The following RORA variants were observed in gnomAD, a reference collection of about 807,000 sequenced individuals.
The protein encoded by RORA is nuclear receptor ROR-alpha.
A neutral mutation model predicts 69.5 loss-of-function variants in RORA; 7 were observed. The ratio of observed to expected loss-of-function variants is 0.10; its 90% CI spans 0.06 to 0.19. The LOEUF (loss-of-function observed/expected upper bound fraction) is 0.19. Ranked by LOEUF, RORA falls within the 10% of genes least tolerant of loss-of-function variation. RORA has a pLI of 1.00. For missense variants in RORA, 457 were observed against 663.0 expected (o/e 0.69, Z 3.41); for synonymous variants, 261 against 240.8 (o/e 1.08, Z -0.78).
chr15:60,805,670 A>T (rs529217809), intron 1 of RORA, among the ~76,000 whole-genome samples: 51 of 152,346 alleles, frequency 3.3e-4, no homozygotes, highest in Admixed American at 5.9e-4. Flanking sequence ...ATAGGATTAC[A>T]TGGTAGGTCT....
chr15:60,775,498 C>T (rs1254753987), intron 1 of RORA, among the ~76,000 whole-genome samples: 2 of 152,286 alleles, frequency 1.3e-5, no homozygotes, highest in East Asian at 1.9e-4. Context: ...CTAGGCACTC[C>T]GCCAGGAGTA....
chr15:60,488,555 A>G lies in RORA; in HGVS notation c.*8900T>C, dbSNP rs1035464833. The stretch of plus-strand genomic sequence containing the variant: ...ATAAAATAAACAGCTGGAAATAAGC[A>G]GACTAGTGTAAGAGTGAATTGAAAA... On this transcript the variant is annotated 3_prime_UTR_variant, in exon 11 of 11. Transcript: ENST00000335670. 4 of 152,220 alleles carry G rather than the reference A, an allele frequency of 2.6e-5. No homozygotes were observed. The highest frequency in any genetic ancestry group is 9.6e-5 in the African/African-American group (4 of 41,460). The allele number at this position is 152,220 out of a possible 1,614,324, so 9.4% of individuals were successfully genotyped here. A position where few individuals can be genotyped will look rare whatever the true frequency, so the allele number is the denominator to read the frequency against.
chr15:60,831,774 A>C (rs779726518), intron 1 of RORA, among the ~76,000 whole-genome samples: 7 of 152,190 alleles, frequency 4.6e-5, no homozygotes, highest in Non-Finnish European at 8.8e-5. Flanking sequence ...TGTCTGGCCA[A>C]AATGGTATGT....
At chr15:60,771,832 C>T (rs1028435183) in intron 1 of RORA, among the ~76,000 whole-genome samples, 2 of 152,186 alleles carry the variant, frequency 1.3e-5, no homozygotes, top group African/African-American at 4.8e-5. Flanking sequence ...TCCTCCCCTA[C>T]CTCTCAGGAT....
At chr15:60,856,352 G>A (rs1191418111) in intron 1 of RORA, among the ~76,000 whole-genome samples, 1 of 152,144 alleles carries the variant, frequency 6.6e-6, no homozygotes. Context: ...TAATAACACT[G>A]AATAGAGTTC....
chr15:61,003,718 G>A (rs1595872229), intron 1 of RORA, among the ~76,000 whole-genome samples: 1 of 152,172 alleles, frequency 6.6e-6, no homozygotes, highest in South Asian at 2.1e-4. Context: ...AGCCATGGGT[G>A]GTGGGAAGAC....
rs1374791733 is a variant in RORA at position 61,229,095 on chromosome 15, G to A, written c.124C>T (p.Pro42Ser). 19 of 1,539,660 alleles carry A rather than the reference G, an allele frequency of 1.2e-5. No individual in the cohort carries two copies. The highest frequency in any genetic ancestry group is 2.4e-5 in the South Asian group (2 of 83,750). Reference protein sequence around the residue: ...NQESARKSEPPAPVRRQSYSS... With the variant: ...NQESARKSEPSAPVRRQSYSS... ...TAGCTCTGTCTGCGCACCGGGGCAG[G>A]CGGCTCGCTCTTGCGGGCGGATTCC... is the stretch of plus-strand genomic sequence containing the variant. The change falls in exon 1 of 11, where the codon CCT (proline) becomes TCT (serine). Residue 42 changes from proline to serine, a missense_variant. Physicochemically the swap from Pro to Ser is moderately conservative, Grantham distance 74. Coordinates refer to ENST00000335670, the MANE Select transcript of RORA (RefSeq NM_134261.3).
At chr15:60,696,882 T>C (rs563433840) in intron 1 of RORA, among the ~76,000 whole-genome samples, 5 of 152,338 alleles carry the variant, frequency 3.3e-5, no homozygotes, top group African/African-American at 1.2e-4. Context: ...AAAATGGATA[T>C]AGCCTTAGAG....
At chr15:60,747,499 T>C (rs1481637988) in intron 1 of RORA, among the ~76,000 whole-genome samples, 1 of 152,154 alleles carries the variant, frequency 6.6e-6, no homozygotes, top group East Asian at 1.9e-4. Flanking sequence ...GAAGAATACA[T>C]ACAAATATTT....
intron 1 of RORA, among the ~76,000 whole-genome samples, chr15:60,944,918 G>C (rs912376071): frequency 6.6e-6 from 1 of 152,152 alleles, no homozygotes; most frequent in African/African-American, 2.4e-5. Context: ...CATAGCACCA[G>C]GTGGAGCATG....
chr15:60,948,657 G>A (rs920213815), intron 1 of RORA, among the ~76,000 whole-genome samples: 2 of 152,194 alleles, frequency 1.3e-5, no homozygotes, highest in African/African-American at 4.8e-5. Context: ...GCTTAGACAA[G>A]TTATGTGACT....
At chr15:60,565,190 C>G (rs1016353927) in intron 2 of RORA, among the ~76,000 whole-genome samples, 3 of 152,184 alleles carry the variant, frequency 2.0e-5, no homozygotes. Flanking sequence ...CCCAAGAATT[C>G]TCCCATAAAG....
rs1256170975 is a variant in RORA at position 60,490,055 on chromosome 15, A to G, written c.*7400T>C. On this transcript the variant is annotated 3_prime_UTR_variant, in exon 11 of 11. Transcript: ENST00000335670. This position sits in a 1 kb window ranked among gnomAD's most constrained non-coding sequence, Gnocchi z 4.1. Reference sequence around the variant, plus strand: ...CTAAGGAAGTAATTTTATCCTAATTAAATACACTCTAGAATAATTTATATA... The same window carrying G: ...CTAAGGAAGTAATTTTATCCTAATTGAATACACTCTAGAATAATTTATATA... The G allele has an allele frequency of 1.3e-5, 2 of 151,996 alleles. No homozygotes were observed. The highest frequency in any genetic ancestry group is 2.9e-5 in the Non-Finnish European group (2 of 67,968). 9.4% of individuals were successfully genotyped at this position (151,996 alleles called of 1,614,324 possible). A position where few individuals can be genotyped will look rare whatever the true frequency, so the allele number is the denominator to read the frequency against.
intron 1 of RORA, among the ~76,000 whole-genome samples, chr15:60,944,877 C>T (rs1391960723): frequency 2.0e-5 from 3 of 152,138 alleles, no homozygotes; most frequent in Non-Finnish European, 4.4e-5. Flanking sequence ...GCATGCCCAA[C>T]GTGGTCTGAC....
At chr15:60,614,812 T>C (rs1457031162) in intron 2 of RORA, 2 of 1,056,568 alleles carry the variant, frequency 1.9e-6, no homozygotes, top group East Asian at 2.4e-5. Context: ...AATGAGATTA[T>C]ACACACGCAC....
At chr15:60,844,017 C>T (rs771932952) in intron 1 of RORA, among the ~76,000 whole-genome samples, 2 of 152,038 alleles carry the variant, frequency 1.3e-5, no homozygotes, top group Non-Finnish European at 2.9e-5. Flanking sequence ...GTTATTCTCT[C>T]CACCAGGAAT....
chr15:60,770,345 A>G (rs1182658840), intron 1 of RORA, among the ~76,000 whole-genome samples: 4 of 152,180 alleles, frequency 2.6e-5, no homozygotes, highest in African/African-American at 7.2e-5. Context: ...ACCAGCACAT[A>G]CAGGCAGGTG....
intron 1 of RORA, among the ~76,000 whole-genome samples, chr15:60,708,708 C>A (rs1470895284): frequency 1.3e-5 from 2 of 152,226 alleles, no homozygotes; most frequent in African/African-American, 4.8e-5. Flanking sequence ...TTCCCCCCAA[C>A]CCTGTTCCCA....
At chr15:61,122,549 T>A (rs1450384646) in intron 1 of RORA, among the ~76,000 whole-genome samples, 1 of 152,190 alleles carries the variant, frequency 6.6e-6, no homozygotes, top group African/African-American at 2.4e-5. Flanking sequence ...TATGGCTGTA[T>A]AACGTTTAAA....
Sources: allele counts gnomAD v4.1 joint callset (sites outside exome capture counted in the v4.1 genomes callset), GRCh38; gene constraint gnomAD v4.1.1; non-coding constraint Gnocchi (gnomAD v3.1); transcripts MANE v1.5; gene names NCBI Gene and HGNC (gene_info 2026-07-23, HGNC 2026-07-21).